LINGO2: variants seen among roughly 807,000 people sequenced by gnomAD.
The protein encoded by LINGO2 is leucine rich repeat and Ig domain containing 2.
In LINGO2, 14 loss-of-function variants were observed where a neutral mutation model predicts 30.6. The observed-to-expected ratio is 0.46, with a 90% confidence interval of 0.30 to 0.72. LINGO2 has a LOEUF of 0.72. Ranked by LOEUF, LINGO2 falls within the 30% of genes least tolerant of loss-of-function variation. The pLI is 0.07. For missense variants in LINGO2, 729 were observed against 751.7 expected (o/e 0.97, Z 0.35); for synonymous variants, 317 against 288.5 (o/e 1.10, Z -1.00).
the LINGO2 span, among the ~76,000 whole-genome samples, chr9:28,723,764 T>G: frequency 3.3e-5 from 5 of 152,102 alleles, no homozygotes; most frequent in African/African-American, 1.2e-4. Flanking sequence ...TTTGCATTTT[T>G]TCATAGGAAA....
chr9:28,472,858 C>G (rs944078449), intron 2 of LINGO2, among the ~76,000 whole-genome samples: 8 of 152,098 alleles, frequency 5.3e-5, no homozygotes, highest in African/African-American at 1.7e-4. Context: ...AGACAGATAT[C>G]ATTCTTCTGT....
At chr9:28,020,531 A>AAAAAC (rs138914532) in intron 4 of LINGO2, among the ~76,000 whole-genome samples, 113 of 148,686 alleles carry the variant, frequency 7.6e-4, no homozygotes, top group African/African-American at 2.7e-3. Flanking sequence ...TCTGTCTTAT[A>AAAAAC]AAAACAAAAC....
Position 28,097,647 on chromosome 9 carries a change from G to C in LINGO2, c.-86-85242C>G, listed in dbSNP as rs548852040. On this transcript the variant is annotated intron_variant, in intron 4 of 5. Transcript: ENST00000379992. ...GGGAATTGAACAATGAGATCACATG[G>C]ACACAGGAAGGGGAATATCACACTC... 1.8e-4 allele frequency among the ~76,000 whole-genome samples: 23 copies of C among 125,760 alleles called. 1 individual carries two copies. In the East Asian group the frequency reaches 5.2e-3, roughly 29 times the overall value. The allele number at this position is 125,760 out of a possible 152,430, so 82.5% of individuals were successfully genotyped here.
At chr9:28,521,435 T>C (rs1457288321) in intron 1 of LINGO2, among the ~76,000 whole-genome samples, 1 of 152,106 alleles carries the variant, frequency 6.6e-6, no homozygotes, top group Admixed American at 6.6e-5. Flanking sequence ...CCTATGGAAG[T>C]GGGTTTGTAA....
chr9:28,477,101 C>T (rs2135198284), intron 1 of LINGO2, among the ~76,000 whole-genome samples: 2 of 152,218 alleles, frequency 1.3e-5, no homozygotes, highest in South Asian at 2.1e-4. Flanking sequence ...CTCAAAAGAA[C>T]TATAATGAGG....
chr9:28,551,965 A>T (rs1363318873), intron 1 of LINGO2, among the ~76,000 whole-genome samples: 1 of 152,038 alleles, frequency 6.6e-6, no homozygotes, highest in Non-Finnish European at 1.5e-5. Flanking sequence ...CTTTTATAAA[A>T]ATATTAATCC....
At chr9:28,447,141 T>A (rs1824452651) in intron 2 of LINGO2, among the ~76,000 whole-genome samples, 1 of 152,216 alleles carries the variant, frequency 6.6e-6, no homozygotes, top group Non-Finnish European at 1.5e-5. Flanking sequence ...GCCTGATATC[T>A]ATCCCCATAT....
intron 1 of LINGO2, among the ~76,000 whole-genome samples, chr9:28,571,010 A>C (rs916342369): frequency 6.6e-6 from 1 of 152,000 alleles, no homozygotes. Flanking sequence ...AAAATGAGAA[A>C]GTAAACAGGA....
At chr9:28,569,375 T>C (rs763937486) in intron 1 of LINGO2, among the ~76,000 whole-genome samples, 29 of 151,732 alleles carry the variant, frequency 1.9e-4, no homozygotes, top group Non-Finnish European at 3.7e-4. Flanking sequence ...AGCCAAGATC[T>C]AGAAATAACA....
chr9:28,226,717 A>G (rs916999376), intron 4 of LINGO2, among the ~76,000 whole-genome samples: 3 of 148,068 alleles, frequency 2.0e-5, no homozygotes, highest in African/African-American at 5.0e-5. Context: ...AAGAGAAAGA[A>G]AGAAAGAGAG....
chr9:28,887,776 G>C, the LINGO2 span, among the ~76,000 whole-genome samples: 1 of 152,064 alleles, frequency 6.6e-6, no homozygotes, highest in African/African-American at 2.4e-5. Flanking sequence ...AGTGATTGAC[G>C]ATACTTCTGT....
At chr9:28,248,619 T>C (rs1822088259) in intron 4 of LINGO2, among the ~76,000 whole-genome samples, 1 of 152,142 alleles carries the variant, frequency 6.6e-6, no homozygotes, top group East Asian at 1.9e-4. Context: ...AAGAGTATAA[T>C]TGGATTGTTT....
At chr9:28,941,643 G>A in the LINGO2 span, among the ~76,000 whole-genome samples, 1 of 152,044 alleles carries the variant, frequency 6.6e-6, no homozygotes, top group Non-Finnish European at 1.5e-5. Flanking sequence ...TGTTTTCAGA[G>A]CTATTATATG....
chr9:28,396,678 T>A lies in LINGO2; in HGVS notation c.-278-23810A>T, dbSNP rs532390322. Among the ~76,000 whole-genome samples the A allele has an allele frequency of 1.0e-3, 114 of 113,204 alleles. 1 individual carries two copies. Among genetic ancestry groups the A allele is most frequent in the African/African-American group, 3.6e-3 (105 of 29,048 alleles). 74.3% of individuals were successfully genotyped at this position (113,204 alleles called of 152,430 possible). A position where few individuals can be genotyped will look rare whatever the true frequency, so the allele number is the denominator to read the frequency against. On this transcript the variant is annotated intron_variant, in intron 2 of 5. Transcript: ENST00000379992. ...GAGATCACGCCACTGCACTCCAGCCTGGGTGACAGAGCGAGACTCCATCTC... is the reference window on the plus strand; with the variant it reads ...GAGATCACGCCACTGCACTCCAGCCAGGGTGACAGAGCGAGACTCCATCTC...
the LINGO2 span, among the ~76,000 whole-genome samples, chr9:29,117,542 G>A: frequency 0.19 from 28,593 of 152,010 alleles, 2,844 homozygotes; most frequent in East Asian, 0.34. Context: ...AAAGAGATTG[G>A]ACTTTAATAC....
chr9:28,822,660 C>T, the LINGO2 span, among the ~76,000 whole-genome samples: 1 of 152,160 alleles, frequency 6.6e-6, no homozygotes, highest in Non-Finnish European at 1.5e-5. Flanking sequence ...GTGCTGGATG[C>T]TTCCTGCCCT....
At chr9:28,555,849 A>T (rs1349005055) in intron 1 of LINGO2, among the ~76,000 whole-genome samples, 1 of 152,148 alleles carries the variant, frequency 6.6e-6, no homozygotes, top group Non-Finnish European at 1.5e-5. Flanking sequence ...CAATATAAGC[A>T]AATCAATAAA....
downstream of LINGO2, among the ~76,000 whole-genome samples, chr9:27,945,554 C>T (rs1439487447): frequency 6.6e-6 from 1 of 152,104 alleles, no homozygotes; most frequent in Non-Finnish European, 1.5e-5. Flanking sequence ...AGTCAAACAA[C>T]AGTATTTCTT....
the LINGO2 span, among the ~76,000 whole-genome samples, chr9:28,762,638 T>C: frequency 2.0e-5 from 3 of 152,040 alleles, no homozygotes; most frequent in African/African-American, 7.3e-5. Context: ...TGCCTAGATA[T>C]CTGCGATCAT....
Sources: gnomAD v4.1 joint callset for allele counts (sites outside exome capture counted in the v4.1 genomes callset) on GRCh38, gnomAD v4.1.1 for gene constraint, MANE v1.5 for transcripts, NCBI Gene and HGNC (gene_info 2026-07-23, HGNC 2026-07-21) for gene names.